Variants in FAM20B observed in about 807,000 individuals in gnomAD.
The protein encoded by FAM20B is glycosaminoglycan xylosylkinase.
In FAM20B, 23 loss-of-function variants were observed where a neutral mutation model predicts 43.8. That is an observed-to-expected ratio of 0.53 (90% CI 0.38 to 0.74). The LOEUF (loss-of-function observed/expected upper bound fraction) is 0.74. Among genes scored for constraint, FAM20B ranks in the 30% least tolerant of loss-of-function variants. FAM20B has a pLI of 0.00. For synonymous variants in FAM20B, 178 were observed against 192.4 expected (o/e 0.93, Z 0.62); for missense variants, 440 against 510.5 (o/e 0.86, Z 1.33).
intron 7 of FAM20B, among the ~76,000 whole-genome samples, chr1:179,068,028 G>T (rs1651762546): frequency 6.6e-6 from 1 of 152,126 alleles, no homozygotes; most frequent in African/African-American, 2.4e-5. Context: ...CTCCCAAAGT[G>T]CTAGGATTAC....
Position 179,072,047 on chromosome 1 carries a change from G to A in FAM20B, c.1133G>A (p.Arg378Gln), listed in dbSNP as rs779786849. The change falls in exon 8 of 8, where the codon CGG becomes CAG. Residue 378 changes from arginine to glutamine, a missense_variant. Arg to Gln is a conservative substitution (Grantham distance 43). Transcript: ENST00000263733. ...SDPHLDAVDQ[R>Q]LLSVLATVKQ... ...CCTCATCTGGACGCCGTGGACCAGCGGCTCCTGAGTGTCCTGGCCACCGTG... is the reference window on the plus strand; with the variant it reads ...CCTCATCTGGACGCCGTGGACCAGCAGCTCCTGAGTGTCCTGGCCACCGTG... 2.1e-5 allele frequency: 34 copies of A among 1,613,986 alleles called. No homozygotes were observed. Among genetic ancestry groups the A allele is most frequent in the African/African-American group, 1.7e-4 (13 of 74,896 alleles).
chr1:179,020,185 A>G, the FAM20B span, among the ~76,000 whole-genome samples: 1 of 150,046 alleles, frequency 6.7e-6, no homozygotes, highest in Non-Finnish European at 1.5e-5. Context: ...ACACACACAC[A>G]CACACACACA....
chr1:179,018,151 T>C, the FAM20B span, among the ~76,000 whole-genome samples: 4 of 152,326 alleles, frequency 2.6e-5, no homozygotes, highest in Non-Finnish European at 1.5e-5. Context: ...GTTCCCTCTG[T>C]GTCACATGTG....
chr1:179,020,656 C>T, the FAM20B span, among the ~76,000 whole-genome samples: 2 of 152,236 alleles, frequency 1.3e-5, no homozygotes, highest in Non-Finnish European at 2.9e-5. Flanking sequence ...GACAATGGTT[C>T]TCAGCCTTGG....
At chr1:179,036,065 G>A (rs2102487490) in intron 1 of FAM20B, among the ~76,000 whole-genome samples, 1 of 152,300 alleles carries the variant, frequency 6.6e-6, no homozygotes, top group East Asian at 1.9e-4. Flanking sequence ...AGGAGTTGGA[G>A]GTTGCAGTGA....
At chr1:179,060,144 CTT>C (rs1434046544) in intron 4 of FAM20B, among the ~76,000 whole-genome samples, 6 of 152,016 alleles carry the variant, frequency 3.9e-5, no homozygotes, top group African/African-American at 1.2e-4. Flanking sequence ...ATATGGCACA[CTT>C]TGCATACTTC....
chr1:179,038,435 T>C (rs1212278018), intron 1 of FAM20B, among the ~76,000 whole-genome samples: 1 of 149,356 alleles, frequency 6.7e-6, no homozygotes, highest in Non-Finnish European at 1.5e-5. Context: ...AAGAAAAAAG[T>C]TTATGGGTTA....
intron 1 of FAM20B, chr1:179,035,232 T>G (rs1478555208): frequency 4.3e-6 from 2 of 466,324 alleles, no homozygotes; most frequent in Admixed American, 3.1e-5. Context: ...TCAGCCAGAT[T>G]TTTTTTTAAG....
the FAM20B span, among the ~76,000 whole-genome samples, chr1:179,018,314 TC>T: frequency 1.3e-5 from 2 of 152,112 alleles, no homozygotes; most frequent in African/African-American, 4.8e-5. Flanking sequence ...ATACCAAAGA[TC>T]TTTTTTTTTG....
At chr1:179,022,840 TAA>T (rs1649629600), upstream of FAM20B, among the ~76,000 whole-genome samples, 1 of 152,104 alleles carries the variant, frequency 6.6e-6, no homozygotes, top group Admixed American at 6.5e-5. Flanking sequence ...CAGTTACAAA[TAA>T]AGTGCTGGGT....
chr1:179,043,587 A>G (rs1469490205), intron 1 of FAM20B, 128 bp from the exon 2 acceptor site: 1 of 371,430 alleles, frequency 2.7e-6, no homozygotes, highest in African/African-American at 2.1e-5. Flanking sequence ...ATTTTAAATT[A>G]TTGAACCTTC....
chr1:179,035,667 C>T, intron 1 of FAM20B: 3 of 388,510 alleles, frequency 7.7e-6, no homozygotes, highest in Non-Finnish European at 1.4e-5. Flanking sequence ...GAGGCATGGA[C>T]CGGAGAGGAG....
intron 3 of FAM20B, 84 bp downstream of exon 3, chr1:179,050,449 G>A: frequency 3.4e-6 from 3 of 890,236 alleles, no homozygotes; most frequent in Non-Finnish European, 5.7e-6. Context: ...TCCTTCAGAA[G>A]GATGCAACAC....
chr1:179,037,006 C>T (rs1369004202), intron 1 of FAM20B, among the ~76,000 whole-genome samples: 2 of 152,144 alleles, frequency 1.3e-5, no homozygotes, highest in African/African-American at 4.8e-5. Flanking sequence ...AGAGGAGGAC[C>T]ATAGCATGTT....
chr1:179,021,823 A>G (rs1649608489), upstream of FAM20B, among the ~76,000 whole-genome samples: 2 of 152,252 alleles, frequency 1.3e-5, no homozygotes, highest in Admixed American at 1.3e-4. Flanking sequence ...CTGTAAATAT[A>G]CTAAAAGGCA....
intron 4 of FAM20B, among the ~76,000 whole-genome samples, chr1:179,062,050 A>G (rs1476371103): frequency 6.6e-6 from 1 of 151,774 alleles, no homozygotes; most frequent in Non-Finnish European, 1.5e-5. Flanking sequence ...TCTGTCTCCC[A>G]GGCTGGAGTG....
At chr1:179,038,148 C>T (rs1294356821) in intron 1 of FAM20B, among the ~76,000 whole-genome samples, 1 of 152,130 alleles carries the variant, frequency 6.6e-6, no homozygotes. Flanking sequence ...GTGGCTCATG[C>T]CTGTAATCCC....
At chr1:179,065,775 G>A (rs1651663812) in intron 6 of FAM20B, among the ~76,000 whole-genome samples, 1 of 152,150 alleles carries the variant, frequency 6.6e-6, no homozygotes, top group African/African-American at 2.4e-5. Flanking sequence ...GTCCACTCGG[G>A]CCGCTATAAC....
chr1:179,037,479 C>CTTTTTTTTTT (rs768903406), intron 1 of FAM20B, among the ~76,000 whole-genome samples: 15 of 88,362 alleles, frequency 1.7e-4, no homozygotes, highest in Non-Finnish European at 2.2e-4. Context: ...GTATGTCGGT[C>CTTTTTTTTTT]TTTTTTTTTT....
Sources: allele counts gnomAD v4.1 joint callset (sites outside exome capture counted in the v4.1 genomes callset), GRCh38; gene constraint gnomAD v4.1.1; transcripts MANE v1.5; gene names NCBI Gene and HGNC (gene_info 2026-07-23, HGNC 2026-07-21).